The following DPYD variants were observed in gnomAD, a reference collection of about 807,000 sequenced individuals.
DPYD encodes the protein dihydropyrimidine dehydrogenase, also known as dihydropyrimidine dehydrogenase [NADP(+)].
In DPYD, 109 loss-of-function variants were observed where a neutral mutation model predicts 116.2. The observed-to-expected ratio is 0.94, with a 90% CI of 0.80 to 1.10. The LOEUF (loss-of-function observed/expected upper bound fraction) is 1.10, where lower values mean the gene tolerates loss of function less well. Among genes scored for constraint, DPYD ranks in the 50% least tolerant of loss-of-function variants. The pLI, the probability that DPYD is intolerant of heterozygous loss-of-function variation, is 0.00. For missense variants in DPYD, 1,302 were observed against 1,254.5 expected (o/e 1.04, Z -0.57); for synonymous variants, 440 against 432.0 (o/e 1.02, Z -0.23).
chr1:97,803,722 C>A (rs1039322324), intron 3 of DPYD, among the ~76,000 whole-genome samples: 1 of 151,744 alleles, frequency 6.6e-6, no homozygotes, highest in Non-Finnish European at 1.5e-5. Flanking sequence ...TTAAAATTTC[C>A]TTGTATATAA....
chr1:97,575,381 A>G (rs1323931584), intron 10 of DPYD, among the ~76,000 whole-genome samples: 1 of 152,178 alleles, frequency 6.6e-6, no homozygotes, highest in African/African-American at 2.4e-5. Context: ...TATACAGTAT[A>G]TCTATGGTAT....
At chr1:97,703,835 T>C (rs1391860001) in intron 5 of DPYD, among the ~76,000 whole-genome samples, 1 of 152,034 alleles carries the variant, frequency 6.6e-6, no homozygotes, top group Non-Finnish European at 1.5e-5. Flanking sequence ...ATAGTTATTT[T>C]TAATATGATT....
chr1:97,824,306 T>C (rs1441145137), intron 3 of DPYD, among the ~76,000 whole-genome samples: 1 of 152,164 alleles, frequency 6.6e-6, no homozygotes, highest in Non-Finnish European at 1.5e-5. Context: ...AGTGTATCTA[T>C]GTGTGATGTG....
intron 9 of DPYD, 93 bp from the exon 10 acceptor site, chr1:97,593,480 T>C: frequency 6.8e-7 from 1 of 1,462,412 alleles, no homozygotes; most frequent in Non-Finnish European, 9.5e-7. Flanking sequence ...AGTGTAAAAT[T>C]GCATCTTGCA....
intron 16 of DPYD, among the ~76,000 whole-genome samples, chr1:97,310,841 A>C (rs1249829672): frequency 6.6e-6 from 1 of 151,848 alleles, no homozygotes; most frequent in Admixed American, 6.6e-5. Flanking sequence ...CAAATTTGAC[A>C]TAATGCCAAT....
intron 12 of DPYD, among the ~76,000 whole-genome samples, chr1:97,540,841 T>TACAC (rs374076393): frequency 6.6e-6 from 1 of 151,368 alleles, no homozygotes; most frequent in African/African-American, 2.4e-5. Flanking sequence ...CTCATTAGCA[T>TACAC]ACACACACAC....
intron 10 of DPYD, among the ~76,000 whole-genome samples, chr1:97,580,136 A>G (rs1331829709): frequency 6.6e-6 from 1 of 152,252 alleles, no homozygotes; most frequent in Non-Finnish European, 1.5e-5. Context: ...AAGCAAGAAT[A>G]GGTTATAAAG....
chr1:97,907,973 C>T (rs1227233084), intron 1 of DPYD, among the ~76,000 whole-genome samples: 2 of 151,994 alleles, frequency 1.3e-5, no homozygotes, highest in Non-Finnish European at 1.5e-5. Flanking sequence ...TCTGGCAATC[C>T]TTGTTATCCT....
At chr1:97,888,289 C>A (rs1672605757) in intron 1 of DPYD, among the ~76,000 whole-genome samples, 1 of 151,730 alleles carries the variant, frequency 6.6e-6, no homozygotes. Flanking sequence ...AACTTAAAGA[C>A]AGATCAAGAG....
intron 1 of DPYD, among the ~76,000 whole-genome samples, chr1:97,918,405 A>T (rs1353310082): frequency 6.6e-6 from 1 of 152,154 alleles, no homozygotes; most frequent in Non-Finnish European, 1.5e-5. Context: ...AAAAAACATG[A>T]TTTCTCATGC....
Position 97,679,650 on chromosome 1 carries a change from G to C in DPYD, c.763-468C>G, listed in dbSNP as rs180928722. 2.6e-4 allele frequency among the ~76,000 whole-genome samples: 40 copies of C among 152,248 alleles called. No homozygotes were observed. In the Middle Eastern group the frequency reaches 0.02, roughly 78 times the overall value. ...AAGCTTAGAAGGTTGAGAATACAGA[G>C]AAGTGGGATTTCAATAGGGCCTTTA... is the stretch of plus-strand genomic sequence containing the variant. On this transcript the variant is annotated intron_variant, in intron 7 of 22. Coordinates refer to ENST00000370192, the MANE Select transcript of DPYD (RefSeq NM_000110.4).
At chr1:97,456,265 C>T (rs1248779469) in intron 13 of DPYD, among the ~76,000 whole-genome samples, 1 of 151,706 alleles carries the variant, frequency 6.6e-6, no homozygotes, top group East Asian at 1.9e-4. Flanking sequence ...AACAAATCAA[C>T]TTGAATAAGT....
At chr1:97,813,008 T>C (rs1032709950) in intron 3 of DPYD, among the ~76,000 whole-genome samples, 2 of 152,138 alleles carry the variant, frequency 1.3e-5, no homozygotes, top group Non-Finnish European at 2.9e-5. Context: ...ACAAGTCTTG[T>C]ATTAATGCCA....
chr1:97,921,049 G>GGGGGCGGAGCGGGCGC, upstream of DPYD: 5 of 1,248,392 alleles, frequency 4.0e-6, no homozygotes, highest in Non-Finnish European at 5.6e-6. Flanking sequence ...CCGGCGGCGC[G>GGGGGCGGAGCGGGCGC]GGGGCGGAGC....
At chr1:97,471,583 G>A (rs548409486) in intron 13 of DPYD, among the ~76,000 whole-genome samples, 65 of 149,620 alleles carry the variant, frequency 4.3e-4, no homozygotes, top group Non-Finnish European at 7.3e-4. Flanking sequence ...GGATGTGATC[G>A]TCCCACTTTC....
At chr1:97,197,332 T>C (rs1658884697) in intron 19 of DPYD, among the ~76,000 whole-genome samples, 1 of 152,208 alleles carries the variant, frequency 6.6e-6, no homozygotes, top group African/African-American at 2.4e-5. Context: ...TTAATCCTCT[T>C]TGCTCACTCT....
chr1:97,094,811 G>A (rs997717332), intron 21 of DPYD, among the ~76,000 whole-genome samples: 1 of 152,032 alleles, frequency 6.6e-6, no homozygotes, highest in Non-Finnish European at 1.5e-5. Flanking sequence ...AAGCAGAGAG[G>A]TGAATACAGA....
chr1:97,683,332 C>T (rs1460673872), intron 7 of DPYD, among the ~76,000 whole-genome samples: 2 of 151,736 alleles, frequency 1.3e-5, no homozygotes, highest in African/African-American at 4.8e-5. Context: ...CTCATAATCA[C>T]AGATATTATT....
At chr1:97,322,318 A>T (rs1043363950) in intron 16 of DPYD, among the ~76,000 whole-genome samples, 1 of 149,704 alleles carries the variant, frequency 6.7e-6, no homozygotes, top group African/African-American at 2.4e-5. Context: ...GGAGCTGGAA[A>T]GAAATATCTA....
Sources: gnomAD v4.1 joint callset for allele counts (sites outside exome capture counted in the v4.1 genomes callset) on GRCh38, gnomAD v4.1.1 for gene constraint, MANE v1.5 for transcripts, NCBI Gene and HGNC (gene_info 2026-07-23, HGNC 2026-07-21) for gene names.